The following FADS2 variants were observed in gnomAD, a reference collection of about 807,000 sequenced individuals.
The protein encoded by FADS2 is acyl-CoA 6-desaturase.
FADS2 carries 18 observed loss-of-function variants against 61.2 expected under a neutral mutation model. The ratio of observed to expected loss-of-function variants is 0.29; its 90% CI spans 0.20 to 0.44. The LOEUF (loss-of-function observed/expected upper bound fraction) is 0.44, where lower values mean the gene tolerates loss of function less well. FADS2 is among the 20% of genes least tolerant of loss of function. The pLI, the probability that FADS2 is intolerant of heterozygous loss-of-function variation, is 1.00. For missense variants in FADS2, 322 were observed against 572.7 expected (o/e 0.56, Z 4.47); for synonymous variants, 203 against 223.9 (o/e 0.91, Z 0.83).
intron 2 of FADS2, among the ~76,000 whole-genome samples, chr11:61,840,010 C>T (rs187385931): frequency 6.9e-4 from 105 of 152,328 alleles, no homozygotes; most frequent in Non-Finnish European, 1.2e-3. Context: ...TCATCCATCA[C>T]GAGATCTTTG....
At chr11:61,859,494 A>G (rs1263978583) in intron 7 of FADS2, among the ~76,000 whole-genome samples, 2 of 152,238 alleles carry the variant, frequency 1.3e-5, no homozygotes, top group Non-Finnish European at 1.5e-5. Context: ...GAGGTGTCCC[A>G]GCCATTGCAA....
In FADS2 at chr11:61,828,520, TAC is replaced by T; in HGVS notation, c.132_133del (p.Tyr44Ter). Reference sequence around the variant, plus strand: ...GTGGCTGGTCATTGACCGCAAGGTTTACAACATCACCAAATGGTCCATCCAGC... The same window carrying T: ...GTGGCTGGTCATTGACCGCAAGGTTTAACATCACCAAATGGTCCATCCAGC... ...DRWLVIDRKV[Y>X]NITKWSIQHP... On this transcript the variant is annotated frameshift_variant, in exon 1 of 12. Transcript: ENST00000278840. LOFTEE classifies it high-confidence loss of function. The surrounding 1 kb of genome is among the most constrained non-coding windows in gnomAD (Gnocchi z 6.4). 1 of 1,613,894 alleles carries T rather than the reference TAC, an allele frequency of 6.2e-7. No individual in the cohort carries two copies.
At chr11:61,840,068 G>A (rs1472194040) in intron 2 of FADS2, among the ~76,000 whole-genome samples, 1 of 152,238 alleles carries the variant, frequency 6.6e-6, no homozygotes, top group Non-Finnish European at 1.5e-5. Context: ...TGAACACAGG[G>A]TGTATAAAAT....
At chr11:61,827,966 C>G (rs950766524), upstream of FADS2, 28 of 903,154 alleles carry the variant, frequency 3.1e-5, no homozygotes, top group Middle Eastern at 5.4e-4. The surrounding 1 kb of genome is among the most constrained non-coding windows in gnomAD (Gnocchi z 4.5). Flanking sequence ...GGCGACGCGA[C>G]CGGATTGGTG....
intron 5 of FADS2, chr11:61,856,807 T>C (rs557219824): frequency 1.0e-5 from 6 of 585,758 alleles, no homozygotes; most frequent in African/African-American, 3.7e-5. Context: ...TGAGGAAGCG[T>C]TGGCCGCTGC....
chr11:61,865,365 C>CA lies in FADS2; in HGVS notation c.1283+89dup. On this transcript the variant is annotated intron_variant, in intron 11 of 11. Transcript: ENST00000278840. The surrounding 1 kb of genome is among the most constrained non-coding windows in gnomAD (Gnocchi z 4.1). ...CACAAGAGGGGCTGGGCCCTCCTGGCACAGTCACCCACCAGGGCACCTGCC... is the reference window on the plus strand; with the variant it reads ...CACAAGAGGGGCTGGGCCCTCCTGGCAACAGTCACCCACCAGGGCACCTGCC... The CA allele has an allele frequency of 2.7e-6, 4 of 1,478,468 alleles. No homozygotes were observed. Among genetic ancestry groups the CA allele is most frequent in the Non-Finnish European group, 3.7e-6 (4 of 1,091,686 alleles). The allele number at this position is 1,478,468 out of a possible 1,614,324, so 91.6% of individuals were successfully genotyped here.
chr11:61,824,449 AGGGAGGGAGG>A (rs1565325227), upstream of FADS2, among the ~76,000 whole-genome samples: 9 of 3,590 alleles, frequency 2.5e-3, no homozygotes, highest in Non-Finnish European at 3.8e-3. Context: ...GGAGGGAGGG[AGGGAGGGAGG>A]GAGAGAGAGA....
At chr11:61,837,933 GGGT>G (rs1406686277) in intron 2 of FADS2, 45 bp downstream of exon 2, 2 of 1,400,152 alleles carry the variant, frequency 1.4e-6, no homozygotes, top group Admixed American at 1.8e-5. Context: ...ACGAGGCTGG[GGGT>G]GGCTGGGAGT....
At chr11:61,841,465 G>C (rs1182511428) in intron 4 of FADS2, among the ~76,000 whole-genome samples, 1 of 151,264 alleles carries the variant, frequency 6.6e-6, no homozygotes. Flanking sequence ...CTGGGAGGCT[G>C]AGGCAGGAGA....
upstream of FADS2, among the ~76,000 whole-genome samples, chr11:61,824,433 AGGGAGGGAGGGAGGGAGG>A (rs1565325173): frequency 0.012 from 71 of 6,142 alleles, 3 homozygotes; most frequent in Admixed American, 0.015. Flanking sequence ...AGAGAGAGAG[AGGGAGGGAGGGAGGGAGG>A]GAGGGAGGGA....
rs539501496 is a variant in FADS2, at chr11:61,845,443, C to T, written c.619-2716C>T. On this transcript the variant is annotated intron_variant, in intron 4 of 11. Transcript: ENST00000278840. ...TTGTTCCTGGGCAAGGCGGGCTTCCCGGTGCCCGGAAGGAGGGGCTCTTGA... is the reference window on the plus strand; with the variant it reads ...TTGTTCCTGGGCAAGGCGGGCTTCCTGGTGCCCGGAAGGAGGGGCTCTTGA... Among the ~76,000 whole-genome samples, 89 of 152,286 alleles carry T rather than the reference C, an allele frequency of 5.8e-4. 1 individual carries two copies. Among genetic ancestry groups the T allele is most frequent in the African/African-American group, 2.1e-3 (87 of 41,570 alleles).
chr11:61,845,030 CTTTTTTTTTTTTTTTTT>C (rs71046747), intron 4 of FADS2, among the ~76,000 whole-genome samples: 6 of 44,164 alleles, frequency 1.4e-4, no homozygotes, highest in Admixed American at 3.8e-4. Context: ...CAGAAGTGCA[CTTTTTTTTTTTTTTTTT>C]TTTTTTTTTT....
chr11:61,842,185 G>A (rs1221962492), intron 4 of FADS2, among the ~76,000 whole-genome samples: 1 of 152,158 alleles, frequency 6.6e-6, no homozygotes, highest in Non-Finnish European at 1.5e-5. Flanking sequence ...CGGGGCCCTT[G>A]GCTTGCCGGC....
rs199985711 is a variant in FADS2, at chr11:61,834,987, CCA to C, written c.208-2789_208-2788del. Among the ~76,000 whole-genome samples, 840 of 113,446 alleles carry C rather than the reference CCA, an allele frequency of 7.4e-3. 44 individuals are homozygous for C. The highest frequency in any genetic ancestry group is 0.011 in the Admixed American group (95 of 8,362). The allele number at this position is 113,446 out of a possible 152,430, so 74.4% of individuals were successfully genotyped here. A position where few individuals can be genotyped will look rare whatever the true frequency, so the allele number is the denominator to read the frequency against. On this transcript the variant is annotated intron_variant, in intron 1 of 11. Coordinates refer to ENST00000278840, the MANE Select transcript of FADS2 (RefSeq NM_004265.4). ...CTGGGCCTCCTCCCTGCCTGCCCCC[CCA>C]CCCCAGCCCTCCTCCCTGCCTGCCC...
At chr11:61,817,078 G>A in intron 1 of FADS2, 1 of 968,780 alleles carries the variant, frequency 1.0e-6, no homozygotes, top group African/African-American at 1.7e-5. Flanking sequence ...CGGGCATCGC[G>A]GCGTTGGCTC....
intron 7 of FADS2, among the ~76,000 whole-genome samples, chr11:61,858,458 C>T (rs2135976784): frequency 6.6e-6 from 1 of 152,276 alleles, no homozygotes; most frequent in Admixed American, 6.5e-5. Context: ...AGATTACAGG[C>T]ATGAGCCACC....
chr11:61,857,639 C>A, intron 7 of FADS2, 109 bp downstream of exon 7: 1 of 881,768 alleles, frequency 1.1e-6, no homozygotes, highest in Non-Finnish European at 1.9e-6. Flanking sequence ...CCTGTGGGGC[C>A]CCAGGCATCT....
chr11:61,864,755 C>A (rs534323929), intron 10 of FADS2, among the ~76,000 whole-genome samples: 17 of 152,238 alleles, frequency 1.1e-4, no homozygotes, highest in African/African-American at 3.6e-4. Context: ...AGGCTGATCT[C>A]AAACTTCTGG....
At position 61,822,954 on chromosome 11, in the gene FADS2, T is replaced by C. The variant is rs907521849; in HGVS notation, c.141+6528T>C. On this transcript the variant is annotated intron_variant, in intron 1 of 11. Transcript: ENST00000257261. ...GGATAAATTCTACATGTGTAATTAG[T>C]GGATCAGGTAATAACATTTTTAGTC... 2.0e-5 allele frequency among the ~76,000 whole-genome samples: 3 copies of C among 152,260 alleles called. No individual in the cohort carries two copies. In the East Asian group the frequency reaches 5.8e-4, roughly 29 times the overall value.
Sources: allele counts gnomAD v4.1 joint callset (sites outside exome capture counted in the v4.1 genomes callset), GRCh38; gene constraint gnomAD v4.1.1; non-coding constraint Gnocchi (gnomAD v3.1); transcripts MANE v1.5; gene names NCBI Gene and HGNC (gene_info 2026-07-23, HGNC 2026-07-21).